Variants in PLCE1 observed in about 807,000 individuals in gnomAD.
PLCE1 encodes 1-phosphatidylinositol 4,5-bisphosphate phosphodiesterase epsilon-1.
PLCE1 carries 119 observed loss-of-function variants against 242.8 expected under a neutral mutation model. The observed-to-expected ratio is 0.49, with a 90% confidence interval of 0.42 to 0.57. PLCE1 has a LOEUF of 0.57. Among genes scored for constraint, PLCE1 ranks in the 20% least tolerant of loss-of-function variants. The pLI, the probability that PLCE1 is intolerant of heterozygous loss-of-function variation, is 0.00. For synonymous variants in PLCE1, 945 were observed against 1,017.4 expected, an observed-to-expected ratio of 0.93 and a Z score of 1.35; for missense variants, 2,441 against 2,788.8, an observed-to-expected ratio of 0.88 and a Z score of 2.81.
chr10:94,252,595 G>C, intron 9 of PLCE1, 97 bp downstream of exon 9: 10 of 1,045,108 alleles, frequency 9.6e-6, no homozygotes, highest in Middle Eastern at 3.0e-4. Flanking sequence ...TTGGGTTGAG[G>C]ACAAAGTCAG....
At chr10:93,999,920 C>T (rs2060901818) in intron 1 of PLCE1, among the ~76,000 whole-genome samples, 1 of 152,120 alleles carries the variant, frequency 6.6e-6, no homozygotes, top group Non-Finnish European at 1.5e-5. Context: ...TTGCCTTTTT[C>T]CTTTGATTAT....
intron 2 of PLCE1, among the ~76,000 whole-genome samples, chr10:94,065,038 G>A (rs2044160666): frequency 6.6e-6 from 1 of 152,116 alleles, no homozygotes; most frequent in Non-Finnish European, 1.5e-5. Context: ...TGCTCCTTAG[G>A]GAAACTATCT....
intron 4 of PLCE1, among the ~76,000 whole-genome samples, chr10:94,186,902 A>G (rs1344544979): frequency 1.3e-5 from 2 of 152,224 alleles, no homozygotes; most frequent in South Asian, 4.1e-4. Context: ...GCTGCTGTGA[A>G]TCCTGTGCCT....
chr10:94,219,571 C>T (rs527247356), intron 4 of PLCE1, among the ~76,000 whole-genome samples: 1 of 152,118 alleles, frequency 6.6e-6, no homozygotes, highest in African/African-American at 2.4e-5. Context: ...GGTCATATGA[C>T]AATCTTTGAA....
At chr10:94,038,145 G>A (rs978401489) in intron 2 of PLCE1, among the ~76,000 whole-genome samples, 1 of 152,050 alleles carries the variant, frequency 6.6e-6, no homozygotes, top group Non-Finnish European at 1.5e-5. Context: ...GAAAAGTCAC[G>A]AGTCATAGAA....
chr10:94,010,405 T>C (rs2061146616), intron 1 of PLCE1, among the ~76,000 whole-genome samples: 1 of 152,224 alleles, frequency 6.6e-6, no homozygotes, highest in South Asian at 2.1e-4. Context: ...CTTTTTCCTG[T>C]TGTCTAGGAT....
rs5787101 is a variant in PLCE1 at position 94,142,350 on chromosome 10, C to CAA, written c.1492+9908_1492+9909dup. On this transcript the variant is annotated intron_variant, in intron 3 of 32. Coordinates refer to ENST00000371380, the MANE Select transcript of PLCE1 (RefSeq NM_016341.4). ...TAGGCAACATGGCGTGATGCTGTCT[C>CAA]AAAAAAAAAAAAAAAAAAGCCAGCC... 8.9e-3 allele frequency among the ~76,000 whole-genome samples: 1,057 copies of CAA among 119,044 alleles called. 18 individuals carry two copies. The highest frequency in any genetic ancestry group is 0.019 in the African/African-American group (576 of 29,998). The allele number at this position is 119,044 out of a possible 152,430, so 78.1% of individuals were successfully genotyped here.
At chr10:94,003,508 A>G (rs2060972360) in intron 1 of PLCE1, among the ~76,000 whole-genome samples, 1 of 152,208 alleles carries the variant, frequency 6.6e-6, no homozygotes, top group Non-Finnish European at 1.5e-5. Flanking sequence ...GTATCTCTAA[A>G]ATAGAGATAT....
At chr10:94,265,736 C>A in intron 15 of PLCE1, 28 bp downstream of exon 15, 4 of 1,613,188 alleles carry the variant, frequency 2.5e-6, no homozygotes, top group Non-Finnish European at 3.4e-6. Flanking sequence ...TTTTGCCCAT[C>A]TTTTAAGAGT....
rs376408259 is a variant in PLCE1 at position 94,170,985 on chromosome 10, C to T, written c.1493-195C>T. On this transcript the variant is annotated intron_variant, in intron 3 of 32. Coordinates refer to ENST00000371380, the MANE Select transcript of PLCE1 (RefSeq NM_016341.4). ...CACCACCACCGCCACTCCACCCCCACCTCATTAGGTGACTAGAAGACAAAT... is the reference window on the plus strand; with the variant it reads ...CACCACCACCGCCACTCCACCCCCATCTCATTAGGTGACTAGAAGACAAAT... 7.9e-4 allele frequency among the ~76,000 whole-genome samples: 120 copies of T among 152,310 alleles called. 3 individuals are homozygous for T. In the South Asian group the frequency reaches 0.025, roughly 32 times the overall value.
chr10:94,229,200 AC>A (rs200224695), intron 5 of PLCE1, among the ~76,000 whole-genome samples: 35 of 124,362 alleles, frequency 2.8e-4, no homozygotes, highest in African/African-American at 1.1e-3. Context: ...AAACAAACAA[AC>A]AAAAAAAAAC....
At chr10:94,082,465 C>G (rs964162784) in intron 2 of PLCE1, among the ~76,000 whole-genome samples, 4 of 151,980 alleles carry the variant, frequency 2.6e-5, no homozygotes, top group Non-Finnish European at 4.4e-5. Context: ...TGCTTTGGTC[C>G]CCAGGGAGGG....
intron 4 of PLCE1, among the ~76,000 whole-genome samples, chr10:94,215,718 G>A (rs151262515): frequency 1.8e-4 from 27 of 152,244 alleles, no homozygotes; most frequent in African/African-American, 6.5e-4. Context: ...AGTTAGTGAA[G>A]GAAAACATAT....
At chr10:94,245,701 G>C (rs186859721) in intron 7 of PLCE1, among the ~76,000 whole-genome samples, 2 of 152,182 alleles carry the variant, frequency 1.3e-5, no homozygotes, top group Non-Finnish European at 2.9e-5. Context: ...TGGCCAGGCT[G>C]GTCTTGATCT....
At position 94,283,922 on chromosome 10, in the gene PLCE1, G is replaced by C; in HGVS notation, c.4917+11G>C. On this transcript the variant is annotated intron_variant, in intron 21 of 32. Transcript: ENST00000371380. ...TGCAACAAAGGAAAGGTGGGTGAAC[G>C]GTTTCTGTTAAATGACACTTTGACC... The C allele has an allele frequency of 6.2e-7, 1 of 1,608,764 alleles. No homozygotes were observed. The highest frequency in any genetic ancestry group is 8.5e-7 in the Non-Finnish European group (1 of 1,176,572).
intron 2 of PLCE1, among the ~76,000 whole-genome samples, chr10:94,095,074 A>T (rs1250509228): frequency 6.6e-6 from 1 of 152,188 alleles, no homozygotes; most frequent in Non-Finnish European, 1.5e-5. Context: ...ATACATTGTA[A>T]TCATCCTTAA....
rs1411067851 is a variant in PLCE1, at chr10:94,124,696, C to T, written c.1207-7478C>T. Among the ~76,000 whole-genome samples the T allele has an allele frequency of 3.9e-5, 6 of 152,288 alleles. No homozygotes were observed. The East Asian group carries it at 1.2e-3, about 29-fold the overall frequency. ...TATTTGTTTATTTAAATTGATTTAG[C>T]AGAGTCAATACATTAATCCGTATCT... is the stretch of plus-strand genomic sequence containing the variant. On this transcript the variant is annotated intron_variant, in intron 2 of 32. Coordinates refer to ENST00000371380, the MANE Select transcript of PLCE1 (RefSeq NM_016341.4).
intron 1 of PLCE1, among the ~76,000 whole-genome samples, chr10:93,999,874 G>C (rs2060900769): frequency 6.6e-6 from 1 of 152,214 alleles, no homozygotes; most frequent in South Asian, 2.1e-4. Flanking sequence ...GCCCAGATTG[G>C]AATGGCCCTC....
intron 3 of PLCE1, among the ~76,000 whole-genome samples, chr10:94,148,157 A>G (rs2047170920): frequency 6.6e-6 from 1 of 152,182 alleles, no homozygotes; most frequent in Non-Finnish European, 1.5e-5. Flanking sequence ...GGTCATTATA[A>G]TGGGTTAAAA....
Sources: allele counts gnomAD v4.1 joint callset (sites outside exome capture counted in the v4.1 genomes callset), GRCh38; gene constraint gnomAD v4.1.1; transcripts MANE v1.5; gene names NCBI Gene and HGNC (gene_info 2026-07-23, HGNC 2026-07-21).